NR6A1: variants seen among roughly 807,000 people sequenced by gnomAD.
The protein encoded by NR6A1 is nuclear receptor subfamily 6 group A member 1, also known as retinoic acid receptor-related testis-associated receptor.
In NR6A1, 7 loss-of-function variants were observed where a neutral mutation model predicts 59.1. The observed-to-expected ratio is 0.12, with a 90% CI of 0.07 to 0.22. NR6A1 has a LOEUF of 0.22. Ranked by LOEUF, NR6A1 falls within the 10% of genes least tolerant of loss-of-function variation. The probability of loss-of-function intolerance (pLI) is 1.00; values close to 1 mark genes in which losing one functional copy is unlikely to be tolerated. For missense variants in NR6A1, 468 were observed against 611.6 expected (o/e 0.77, Z 2.48); for synonymous variants, 243 against 236.1 (o/e 1.03, Z -0.27).
chr9:124,590,061 C>CAAAAAAAAAAAAA (rs71372976), intron 2 of NR6A1, among the ~76,000 whole-genome samples: 6 of 30,892 alleles, frequency 1.9e-4, no homozygotes, highest in African/African-American at 5.2e-4. Context: ...AAGACTCTGT[C>CAAAAAAAAAAAAA]AAAAAAAAAA....
chr9:124,674,109 T>C (rs1837879682), intron 2 of NR6A1, among the ~76,000 whole-genome samples: 1 of 152,284 alleles, frequency 6.6e-6, no homozygotes, highest in Middle Eastern at 3.4e-3. Context: ...TGAGGTAATA[T>C]AAGTAAACCA....
intron 2 of NR6A1, among the ~76,000 whole-genome samples, chr9:124,608,923 T>C (rs1048797962): frequency 6.6e-6 from 1 of 152,252 alleles, no homozygotes; most frequent in Non-Finnish European, 1.5e-5. Context: ...CCTATGTTTG[T>C]TGGCTACATA....
rs546361412 is a variant in NR6A1, at chr9:124,561,805, G to A, written c.143-7235C>T. On this transcript the variant is annotated intron_variant, in intron 2 of 9. Coordinates refer to ENST00000487099, the MANE Select transcript of NR6A1 (RefSeq NM_033334.4). ...TATGCGCCTGTAATACCAGCTACTC[G>A]GGAGGCTGGGGCAGAAAAATTGCTT... Among the ~76,000 whole-genome samples, 9 of 152,074 alleles carry A rather than the reference G, an allele frequency of 5.9e-5. No homozygotes were observed. The South Asian group carries it at 1.5e-3, about 25-fold the overall frequency.
intron 3 of NR6A1, among the ~76,000 whole-genome samples, chr9:124,549,235 GTTT>G (rs35131397): frequency 0.23 from 34,283 of 151,974 alleles, 11,439 homozygotes; most frequent in African/African-American, 0.73. Context: ...AGGGGTGGAT[GTTT>G]AAACCCCCTC....
intron 2 of NR6A1, among the ~76,000 whole-genome samples, chr9:124,639,339 C>T (rs1836706232): frequency 6.6e-6 from 1 of 152,210 alleles, no homozygotes; most frequent in Admixed American, 6.5e-5. Flanking sequence ...TTACTGAGCA[C>T]TCACAGTGTG....
At chr9:124,655,848 A>C (rs1837241844) in intron 2 of NR6A1, among the ~76,000 whole-genome samples, 1 of 152,228 alleles carries the variant, frequency 6.6e-6, no homozygotes, top group African/African-American at 2.4e-5. Flanking sequence ...AAGAATAGTC[A>C]AGAAAAACTG....
intron 2 of NR6A1, among the ~76,000 whole-genome samples, chr9:124,720,598 C>T (rs1268524636): frequency 2.6e-5 from 4 of 152,090 alleles, no homozygotes; most frequent in Non-Finnish European, 4.4e-5. Flanking sequence ...AAGAGAGAGG[C>T]TTATCTTTTC....
intron 2 of NR6A1, among the ~76,000 whole-genome samples, chr9:124,570,041 A>C (rs941512149): frequency 6.6e-5 from 10 of 152,278 alleles, no homozygotes; most frequent in African/African-American, 2.4e-4. Context: ...AAGTTGAGTC[A>C]TGCAAGAAGC....
intron 2 of NR6A1, among the ~76,000 whole-genome samples, chr9:124,710,184 GTC>G (rs1174462824): frequency 1.3e-5 from 2 of 152,024 alleles, no homozygotes; most frequent in Non-Finnish European, 2.9e-5. Context: ...GTCAACAAAA[GTC>G]TCCGCACAAA....
chr9:124,706,269 C>G (rs926136167), intron 2 of NR6A1, among the ~76,000 whole-genome samples: 1 of 152,052 alleles, frequency 6.6e-6, no homozygotes, highest in African/African-American at 2.4e-5. Flanking sequence ...TGGTATAATC[C>G]TTGCTCTATA....
chr9:124,766,511 T>A (rs927623558), intron 1 of NR6A1, among the ~76,000 whole-genome samples: 3 of 152,202 alleles, frequency 2.0e-5, no homozygotes, highest in African/African-American at 7.2e-5. Flanking sequence ...AATTCTGACC[T>A]TTTTCCCACA....
At chr9:124,527,289 G>A (rs1832964243) in intron 7 of NR6A1, among the ~76,000 whole-genome samples, 1 of 152,172 alleles carries the variant, frequency 6.6e-6, no homozygotes, top group Non-Finnish European at 1.5e-5. Context: ...TTAAGATACA[G>A]CTATTGTAGA....
At chr9:124,758,474 A>C (rs1045873731) in intron 1 of NR6A1, among the ~76,000 whole-genome samples, 3 of 152,166 alleles carry the variant, frequency 2.0e-5, no homozygotes, top group African/African-American at 7.2e-5. Flanking sequence ...ATGAGGAAAA[A>C]CTCTAAAATT....
intron 3 of NR6A1, 109 bp from the exon 4 acceptor site, chr9:124,543,966 C>A: frequency 1.2e-6 from 1 of 827,378 alleles, no homozygotes; most frequent in Non-Finnish European, 2.0e-6. Context: ...ATTAGTGAAT[C>A]CAACATTAAA....
chr9:124,731,264 G>A (rs557628120), intron 2 of NR6A1, among the ~76,000 whole-genome samples: 6 of 151,934 alleles, frequency 3.9e-5, no homozygotes, highest in Admixed American at 2.0e-4. Flanking sequence ...CAGCTACTCC[G>A]GAGGCTGATG....
chr9:124,633,131 G>A (rs572219157), intron 2 of NR6A1, among the ~76,000 whole-genome samples: 73 of 152,200 alleles, frequency 4.8e-4, no homozygotes, highest in South Asian at 2.5e-3. Context: ...CAGGCCGGGC[G>A]CAGTGGCTCA....
At chr9:124,714,441 G>T (rs1839360038) in intron 2 of NR6A1, among the ~76,000 whole-genome samples, 1 of 152,116 alleles carries the variant, frequency 6.6e-6, no homozygotes, top group African/African-American at 2.4e-5. Flanking sequence ...CCCAATAGAG[G>T]TGTCATCATA....
At chr9:124,538,794 A>G (rs941240325) in intron 5 of NR6A1, among the ~76,000 whole-genome samples, 11 of 152,200 alleles carry the variant, frequency 7.2e-5, no homozygotes, top group Non-Finnish European at 7.3e-5. Context: ...AGGAAAGAAC[A>G]AACGAAGGGG....
chr9:124,583,954 G>A lies in NR6A1; in HGVS notation c.143-29384C>T, dbSNP rs76691337. On this transcript the variant is annotated intron_variant, in intron 2 of 9. Coordinates refer to ENST00000487099, the MANE Select transcript of NR6A1 (RefSeq NM_033334.4). Reference sequence around the variant, plus strand: ...GATCTATTTCCCTCTGCTAGACTTGGGTATATCACAGGGCAGGGAGAGAGT... The same window carrying A: ...GATCTATTTCCCTCTGCTAGACTTGAGTATATCACAGGGCAGGGAGAGAGT... Among the ~76,000 whole-genome samples the A allele has an allele frequency of 3.1e-3, 471 of 152,166 alleles. 1 individual carries two copies. The highest frequency in any genetic ancestry group is 0.01 in the African/African-American group (431 of 41,498).
Sources: gnomAD v4.1 joint callset for allele counts (sites outside exome capture counted in the v4.1 genomes callset) on GRCh38, gnomAD v4.1.1 for gene constraint, MANE v1.5 for transcripts, NCBI Gene and HGNC (gene_info 2026-07-23, HGNC 2026-07-21) for gene names.